Variants in ATF7IP2 observed in about 807,000 individuals in gnomAD.
ATF7IP2 encodes the protein activating transcription factor 7 interacting protein 2, also known as activating transcription factor 7-interacting protein 2.
A neutral mutation model predicts 64.2 loss-of-function variants in ATF7IP2; 42 were observed. The ratio of observed to expected loss-of-function variants is 0.65; its 90% CI spans 0.51 to 0.85. The LOEUF is 0.85. Among genes scored for constraint, ATF7IP2 ranks in the 40% least tolerant of loss-of-function variants. The pLI is 0.00. For synonymous variants in ATF7IP2, 308 were observed against 272.8 expected, an observed-to-expected ratio of 1.13 and a Z score of -1.27; for missense variants, 933 against 784.2, an observed-to-expected ratio of 1.19 and a Z score of -2.27.
intron 1 of ATF7IP2, among the ~76,000 whole-genome samples, chr16:10,413,889 C>G (rs554471199): frequency 6.6e-6 from 1 of 152,096 alleles, no homozygotes; most frequent in African/African-American, 2.4e-5. Flanking sequence ...GAGGGTTTGC[C>G]GAGAAATCTG....
intron 7 of ATF7IP2, among the ~76,000 whole-genome samples, chr16:10,439,852 CT>C: frequency 6.6e-6 from 1 of 151,174 alleles, no homozygotes; most frequent in South Asian, 2.1e-4. Context: ...AGATTTTTAT[CT>C]TCCTTACCTT....
chr16:10,440,248 C>T (rs2048568811), intron 7 of ATF7IP2, 116 bp from the exon 8 acceptor site: 5 of 482,970 alleles, frequency 1.0e-5, no homozygotes, highest in Non-Finnish European at 1.8e-5. Context: ...TAGAATTTTT[C>T]ATTTGGGTAG....
intron 8 of ATF7IP2, chr16:10,449,501 C>T (rs1287812443): frequency 1.3e-5 from 2 of 152,170 alleles, no homozygotes; most frequent in Non-Finnish European, 2.9e-5. Flanking sequence ...TTGGTCTTTT[C>T]AGGAATTCGA....
rs2048155308 is a variant in ATF7IP2 at position 10,428,928 on chromosome 16, C to T, written c.-99C>T. ...TCACTCTGTCACCCTTGCTGGAGTG[C>T]AGTGGTGCAATCACAGATCACGGCA... is the stretch of plus-strand genomic sequence containing the variant. On this transcript the variant is annotated 5_prime_UTR_variant, in exon 4 of 14. Coordinates refer to ENST00000562102, the MANE Select transcript of ATF7IP2 (RefSeq NM_001393719.1). 2 of 151,432 alleles carry T rather than the reference C, an allele frequency of 1.3e-5. No homozygotes were observed. Among genetic ancestry groups the T allele is most frequent in the Non-Finnish European group, 2.9e-5 (2 of 67,936 alleles). 9.4% of individuals were successfully genotyped at this position (151,432 alleles called of 1,614,324 possible).
Position 10,412,898 on chromosome 16 carries a change from T to G in ATF7IP2, c.-241-1676T>G, listed in dbSNP as rs559501345. On this transcript the variant is annotated intron_variant, in intron 1 of 13. Transcript: ENST00000562102. ...ATATTTTTCTGTTGGATAATGCTTT[T>G]TATCATTATATAATGTCCCTCTTTG... Among the ~76,000 whole-genome samples, 96 of 152,358 alleles carry G rather than the reference T, an allele frequency of 6.3e-4. 1 individual carries two copies. The highest frequency in any genetic ancestry group is 2.1e-3 in the African/African-American group (86 of 41,592).
chr16:10,419,217 C>A (rs1020019164), intron 2 of ATF7IP2, among the ~76,000 whole-genome samples: 9 of 152,164 alleles, frequency 5.9e-5, no homozygotes, highest in Non-Finnish European at 1.2e-4. Context: ...TGATTACATC[C>A]AGGCATTATT....
At chr16:10,415,511 G>T (rs1227735746) in intron 2 of ATF7IP2, among the ~76,000 whole-genome samples, 3 of 152,182 alleles carry the variant, frequency 2.0e-5, no homozygotes, top group Non-Finnish European at 4.4e-5. Context: ...CCCAAACTAT[G>T]AAACTGCTAG....
At chr16:10,467,570 T>A (rs1338048684) in intron 9 of ATF7IP2, among the ~76,000 whole-genome samples, 2 of 148,758 alleles carry the variant, frequency 1.3e-5, no homozygotes, top group Non-Finnish European at 3.0e-5. Flanking sequence ...GATAGAAAAA[T>A]CAATTTTTTT....
At chr16:10,481,020 G>T in intron 13 of ATF7IP2, 56 bp downstream of exon 13, 1 of 1,290,062 alleles carries the variant, frequency 7.8e-7, no homozygotes, top group Non-Finnish European at 1.1e-6. Context: ...GTGGGAAGTA[G>T]CTATGTTACT....
At chr16:10,399,658 C>A (rs2047489355) in intron 1 of ATF7IP2, among the ~76,000 whole-genome samples, 5 of 152,070 alleles carry the variant, frequency 3.3e-5, no homozygotes, top group Admixed American at 3.3e-4. Flanking sequence ...CTTAGGATTG[C>A]TTTGGCTATT....
intron 8 of ATF7IP2, among the ~76,000 whole-genome samples, chr16:10,455,907 T>C (rs1435645225): frequency 6.6e-6 from 1 of 152,220 alleles, no homozygotes; most frequent in African/African-American, 2.4e-5. Flanking sequence ...TTTAGTTGCA[T>C]TGTATCCTAC....
At chr16:10,405,446 G>A (rs2141787989) in intron 1 of ATF7IP2, among the ~76,000 whole-genome samples, 2 of 152,280 alleles carry the variant, frequency 1.3e-5, no homozygotes, top group South Asian at 4.1e-4. Flanking sequence ...AATGGAAACT[G>A]TTAGTCCAAG....
At chr16:10,457,722 T>C in intron 9 of ATF7IP2, 193 bp downstream of exon 9, 1 of 416,746 alleles carries the variant, frequency 2.4e-6, no homozygotes. Flanking sequence ...TCTGGTGTTT[T>C]TTGAGATAGG....
intron 2 of ATF7IP2, among the ~76,000 whole-genome samples, chr16:10,417,397 T>A (rs956738143): frequency 6.6e-6 from 1 of 152,066 alleles, no homozygotes; most frequent in Admixed American, 6.6e-5. Flanking sequence ...AGATATTCTG[T>A]GCAATGGAAA....
chr16:10,413,991 C>T (rs1260340796), intron 1 of ATF7IP2, among the ~76,000 whole-genome samples: 4 of 152,102 alleles, frequency 2.6e-5, no homozygotes, highest in African/African-American at 9.7e-5. Flanking sequence ...TTACCTGGTG[C>T]TTTTGCCTTG....
chr16:10,403,275 C>A (rs1448824913), intron 1 of ATF7IP2, among the ~76,000 whole-genome samples: 1 of 152,064 alleles, frequency 6.6e-6, no homozygotes, highest in African/African-American at 2.4e-5. Flanking sequence ...CTTCATGTTA[C>A]CAGAATTGTC....
intron 8 of ATF7IP2, among the ~76,000 whole-genome samples, chr16:10,453,133 G>A (rs1412947088): frequency 6.6e-6 from 1 of 152,156 alleles, no homozygotes; most frequent in Non-Finnish European, 1.5e-5. Flanking sequence ...ACTAGGGTAT[G>A]GAAAAGAAAA....
intron 12 of ATF7IP2, among the ~76,000 whole-genome samples, chr16:10,476,051 C>T (rs1021245083): frequency 1.3e-5 from 2 of 152,184 alleles, no homozygotes; most frequent in Non-Finnish European, 2.9e-5. Flanking sequence ...ATATTATTTA[C>T]AAGAAATTAT....
chr16:10,479,542 C>G (rs2142105710), intron 12 of ATF7IP2, among the ~76,000 whole-genome samples: 1 of 151,908 alleles, frequency 6.6e-6, no homozygotes, highest in Admixed American at 6.6e-5. Flanking sequence ...AGGAGATATA[C>G]CTAATGCTAA....
Sources: gnomAD v4.1 joint callset for allele counts (sites outside exome capture counted in the v4.1 genomes callset) on GRCh38, gnomAD v4.1.1 for gene constraint, MANE v1.5 for transcripts, NCBI Gene and HGNC (gene_info 2026-07-23, HGNC 2026-07-21) for gene names.